The following TENM1 variants were observed in gnomAD, a reference collection of about 807,000 sequenced individuals.
TENM1 encodes the protein teneurin-1.
In TENM1, 35 loss-of-function variants were observed where a neutral mutation model predicts 174.8. The ratio of observed to expected loss-of-function variants is 0.20; its 90% CI spans 0.15 to 0.27. The LOEUF is 0.27. TENM1 is among the 10% of genes least tolerant of loss of function. The probability of loss-of-function intolerance (pLI) is 1.00; values close to 1 mark genes in which losing one functional copy is unlikely to be tolerated. For missense variants in TENM1, 1,633 were observed against 2,130.1 expected (o/e 0.77, Z 4.59); for synonymous variants, 781 against 798.7 (o/e 0.98, Z 0.37).
At chrX:124,406,656 G>A (rs2060465985) in intron 25 of TENM1, among the ~76,000 whole-genome samples, 167 bp from the exon 29 acceptor site, 1 of 112,180 alleles carries the variant, frequency 8.9e-6, no homozygotes, top group African/African-American at 3.2e-5. Flanking sequence ...TTAATCAAAC[G>A]AAGGTATTTT....
At chrX:124,390,594 A>G (rs2060272311) in intron 28 of TENM1, among the ~76,000 whole-genome samples, 1 of 112,320 alleles carries the variant, frequency 8.9e-6, no homozygotes, top group Non-Finnish European at 1.9e-5. Context: ...CTACTTAACT[A>G]GTCACATGGG....
intron 6 of TENM1, among the ~76,000 whole-genome samples, chrX:124,671,018 T>C (rs928392167): frequency 3.6e-5 from 4 of 111,436 alleles, no homozygotes; most frequent in African/African-American, 1.3e-4. Flanking sequence ...AAAATATAAA[T>C]TTCCAGCTAT....
chrX:124,444,773 T>G (rs2147818932), intron 23 of TENM1, among the ~76,000 whole-genome samples: 1 of 111,205 alleles, frequency 9.0e-6, no homozygotes, highest in Non-Finnish European at 1.9e-5. Context: ...GAAGCCATGG[T>G]GGCTTCCATT....
chrX:124,588,142 G>A (rs1332958686), intron 11 of TENM1, among the ~76,000 whole-genome samples: 5 of 111,238 alleles, frequency 4.5e-5, no homozygotes, highest in Non-Finnish European at 9.4e-5. Flanking sequence ...CGATTTCCTC[G>A]GGGATCTAGA....
intron 28 of TENM1, among the ~76,000 whole-genome samples, chrX:124,388,272 G>A (rs184818640): frequency 2.8e-3 from 307 of 110,963 alleles, no homozygotes; most frequent in Non-Finnish European, 5.1e-3. Context: ...TTTATGGCAC[G>A]TCGTTGTTAT....
chrX:124,760,670 G>A (rs903399500), intron 3 of TENM1, among the ~76,000 whole-genome samples: 13 of 111,815 alleles, frequency 1.2e-4, no homozygotes, highest in Admixed American at 1.1e-3. Context: ...AAAAGCAATG[G>A]CAACAAAAGC....
chrX:124,973,320 T>C, the TENM1 span, among the ~76,000 whole-genome samples: 8 of 111,843 alleles, frequency 7.2e-5, no homozygotes, highest in Non-Finnish European at 1.3e-4. Context: ...TGTAGTATAG[T>C]TTGAAGTCAG....
chrX:124,917,150 G>A (rs1397333160), intron 1 of TENM1, among the ~76,000 whole-genome samples: 2 of 111,240 alleles, frequency 1.8e-5, no homozygotes, highest in Non-Finnish European at 1.9e-5. Context: ...TTGACAGCCC[G>A]GAGCAGTCAG....
intron 14 of TENM1, 78 bp downstream of exon 17, chrX:124,561,593 C>T: frequency 1.8e-6 from 2 of 1,126,439 alleles, no homozygotes; most frequent in Non-Finnish European, 2.4e-6. Flanking sequence ...CTAATTTTCA[C>T]CCTTGGCCAG....
At chrX:125,015,435 T>C in the TENM1 span, among the ~76,000 whole-genome samples, 2 of 111,586 alleles carry the variant, frequency 1.8e-5, no homozygotes, top group African/African-American at 6.5e-5. Flanking sequence ...AAGAAAATGT[T>C]CTTGCACCTA....
the TENM1 span, among the ~76,000 whole-genome samples, chrX:125,031,550 A>T: frequency 8.9e-6 from 1 of 112,016 alleles, no homozygotes; most frequent in African/African-American, 3.2e-5. Context: ...AGATGTGCAG[A>T]TTCGTTACAT....
At chrX:124,942,661 C>G (rs910480704) in intron 1 of TENM1, among the ~76,000 whole-genome samples, 2 of 111,157 alleles carry the variant, frequency 1.8e-5, no homozygotes, top group African/African-American at 6.5e-5. Flanking sequence ...TCTTACCTGC[C>G]TTTTTGTTAC....
At chrX:124,921,324 G>T (rs1227465059) in intron 1 of TENM1, among the ~76,000 whole-genome samples, 3 of 110,094 alleles carry the variant, frequency 2.7e-5, no homozygotes, top group South Asian at 7.7e-4. Flanking sequence ...TAGAGTGAAG[G>T]TCTTTCCATA....
chrX:124,488,944 G>A (rs1362046059), intron 20 of TENM1, among the ~76,000 whole-genome samples: 1 of 112,652 alleles, frequency 8.9e-6, no homozygotes, highest in Non-Finnish European at 1.9e-5. Context: ...CTGTGAATTT[G>A]GAAAGATGTC....
At chrX:124,654,925 A>G (rs922475928) in intron 6 of TENM1, among the ~76,000 whole-genome samples, 2 of 111,830 alleles carry the variant, frequency 1.8e-5, no homozygotes, top group Admixed American at 9.5e-5. Flanking sequence ...ACTACATCTC[A>G]GTGAAAAATA....
At chrX:125,059,578 C>G in the TENM1 span, among the ~76,000 whole-genome samples, 12 of 111,237 alleles carry the variant, frequency 1.1e-4, no homozygotes, top group African/African-American at 3.6e-4. Flanking sequence ...CTACTTTGTA[C>G]TCTGACCGAC....
the TENM1 span, among the ~76,000 whole-genome samples, chrX:124,999,262 C>T: frequency 9.0e-6 from 1 of 110,649 alleles, no homozygotes; most frequent in Non-Finnish European, 1.9e-5. Flanking sequence ...TTATGTAAGA[C>T]TATTAAAGAA....
chrX:124,531,827 C>T (rs1157128100), intron 15 of TENM1, among the ~76,000 whole-genome samples: 1 of 112,045 alleles, frequency 8.9e-6, no homozygotes, highest in East Asian at 2.8e-4. Context: ...CAGATCTGGT[C>T]CCAGGTTCTA....
At chrX:124,994,280 T>C in the TENM1 span, among the ~76,000 whole-genome samples, 18 of 100,623 alleles carry the variant, frequency 1.8e-4, no homozygotes, top group African/African-American at 6.3e-4. Context: ...GTTGACATGG[T>C]CTAAGGATTG....
Sources: allele counts gnomAD v4.1 joint callset (sites outside exome capture counted in the v4.1 genomes callset), GRCh38; gene constraint gnomAD v4.1.1; transcripts MANE v1.5; gene names NCBI Gene and HGNC (gene_info 2026-07-23, HGNC 2026-07-21).